The following RPE variants were observed in gnomAD, a reference collection of about 807,000 sequenced individuals.
The protein encoded by RPE is ribulose-phosphate 3-epimerase.
Under a neutral mutation model 24.6 loss-of-function variants are expected in RPE, and 16 were observed. The ratio of observed to expected loss-of-function variants is 0.65; its 90% CI spans 0.44 to 0.99. The LOEUF (loss-of-function observed/expected upper bound fraction) is 0.99, where lower values mean the gene tolerates loss of function less well. Ranked by LOEUF, RPE falls within the 50% of genes least tolerant of loss-of-function variation. The probability of loss-of-function intolerance (pLI) is 0.00; values close to 1 mark genes in which losing one functional copy is unlikely to be tolerated. For synonymous variants in RPE, 93 were observed against 98.4 expected (o/e 0.94, Z 0.33); for missense variants, 240 against 294.5 (o/e 0.81, Z 1.35).
chr2:210,005,223 T>C (rs2093614063), intron 1 of RPE, among the ~76,000 whole-genome samples: 1 of 152,092 alleles, frequency 6.6e-6, no homozygotes, highest in African/African-American at 2.4e-5. Context: ...ACAATGTCCC[T>C]TCCCTCCCAG....
intron 1 of RPE, 58 bp from the exon 2 acceptor site, chr2:210,009,599 G>C: frequency 1.2e-6 from 2 of 1,603,052 alleles, no homozygotes; most frequent in Non-Finnish European, 1.7e-6. Flanking sequence ...TTCATATTGA[G>C]AGAGATACAG....
chr2:210,013,312 CTTTT>C (rs376550426), intron 2 of RPE, among the ~76,000 whole-genome samples: 3 of 137,054 alleles, frequency 2.2e-5, no homozygotes. Flanking sequence ...TAGAGTTATC[CTTTT>C]TTTTTTTTTT....
chr2:210,005,981 A>G (rs1320653344), intron 1 of RPE, among the ~76,000 whole-genome samples: 1 of 152,230 alleles, frequency 6.6e-6, no homozygotes, highest in Non-Finnish European at 1.5e-5. Flanking sequence ...CTTAGGAGTG[A>G]TGATGGAACA....
At chr2:210,004,521 C>T (rs2093604738) in intron 1 of RPE, among the ~76,000 whole-genome samples, 1 of 152,274 alleles carries the variant, frequency 6.6e-6, no homozygotes, top group Non-Finnish European at 1.5e-5. Context: ...AAATGAAATG[C>T]TTTCTGTGGT....
At chr2:210,008,758 C>G (rs1050257033) in intron 1 of RPE, among the ~76,000 whole-genome samples, 1 of 152,018 alleles carries the variant, frequency 6.6e-6, no homozygotes, top group Non-Finnish European at 1.5e-5. Flanking sequence ...TACAGTGGCA[C>G]GATCTTGGCT....
At chr2:210,003,854 A>G (rs1043010858) in intron 1 of RPE, among the ~76,000 whole-genome samples, 3 of 152,144 alleles carry the variant, frequency 2.0e-5, no homozygotes, top group Non-Finnish European at 4.4e-5. Flanking sequence ...CCATTGCTCT[A>G]TGTGGTTAAA....
At chr2:210,009,536 T>TCA in intron 1 of RPE, 121 bp from the exon 2 acceptor site, 2 of 1,317,014 alleles carry the variant, frequency 1.5e-6, no homozygotes, top group Non-Finnish European at 2.2e-6. Context: ...ATACTGATGA[T>TCA]TAAGTATTAA....
At chr2:210,018,732 GA>G (rs1204214370) in intron 5 of RPE, 1 of 982,854 alleles carries the variant, frequency 1.0e-6, no homozygotes, top group Non-Finnish European at 1.2e-6. Context: ...TTTTTTGTGT[GA>G]AAAATCAGAC....
intron 4 of RPE, 45 bp from the exon 5 acceptor site, chr2:210,017,428 C>CAAAAACACAAA: frequency 1.1e-6 from 1 of 924,548 alleles, no homozygotes; most frequent in Non-Finnish European, 1.6e-6. Context: ...CCCCCACCAA[C>CAAAAACACAAA]ATACCCACTT....
In RPE at chr2:210,021,640, A is replaced by G. The variant is rs2093857764; in HGVS notation, c.*1849A>G. The G allele has an allele frequency of 6.6e-6, 1 of 152,524 alleles. No homozygotes were observed. The highest frequency in any genetic ancestry group is 2.4e-5 in the African/African-American group (1 of 41,444). The allele number at this position is 152,524 out of a possible 1,614,324, so 9.4% of individuals were successfully genotyped here. A position where few individuals can be genotyped will look rare whatever the true frequency, so the allele number is the denominator to read the frequency against. ...GGACTAGTATAATTTCCAATCTCTA[A>G]CAAAAACTTAGTGTCAAATCTCACA... On this transcript the variant is annotated 3_prime_UTR_variant, in exon 6 of 6. Transcript: ENST00000359429.
At chr2:210,006,960 C>T (rs2125057553) in intron 1 of RPE, among the ~76,000 whole-genome samples, 1 of 152,274 alleles carries the variant, frequency 6.6e-6, no homozygotes, top group East Asian at 1.9e-4. Context: ...TCTCTTGAAT[C>T]TCTTCTCCGC....
In RPE at chr2:210,003,341, A is replaced by C. The variant is rs150505397; in HGVS notation, c.122+558A>C. On this transcript the variant is annotated intron_variant, in intron 1 of 5. Coordinates refer to ENST00000359429, the MANE Select transcript of RPE (RefSeq NM_199229.3). ...CTTGGAAGATGAAATGAGCGAGTAC[A>C]TGAGAAGTTTACAGTGCCTGGCGTA... 265 of 576,940 alleles carry C rather than the reference A, an allele frequency of 4.6e-4. 7 individuals are homozygous for C. Among genetic ancestry groups the C allele is most frequent in the Middle Eastern group, 5.2e-4 (1 of 1,910 alleles). The allele number at this position is 576,940 out of a possible 1,614,324, so 35.7% of individuals were successfully genotyped here. A position where few individuals can be genotyped will look rare whatever the true frequency, so the allele number is the denominator to read the frequency against.
At chr2:210,018,485 T>C (rs1243139729) in intron 5 of RPE, 1 of 985,114 alleles carries the variant, frequency 1.0e-6, no homozygotes, top group African/African-American at 1.7e-5. Flanking sequence ...GATTAAAGCT[T>C]ACATGACTGC....
chr2:210,015,456 C>G (rs1019008481), intron 2 of RPE, among the ~76,000 whole-genome samples: 1 of 152,162 alleles, frequency 6.6e-6, no homozygotes, highest in Non-Finnish European at 1.5e-5. Flanking sequence ...ACCTAGTGTG[C>G]ATTTTACTTA....
intron 1 of RPE, among the ~76,000 whole-genome samples, chr2:210,003,914 A>G (rs1366203197): frequency 6.6e-6 from 1 of 152,222 alleles, no homozygotes; most frequent in Admixed American, 6.5e-5. Flanking sequence ...GAGTCCACCC[A>G]ACTGATAATG....
intron 2 of RPE, among the ~76,000 whole-genome samples, chr2:210,011,264 C>T (rs1385951425): frequency 2.0e-5 from 3 of 152,130 alleles, no homozygotes; most frequent in Admixed American, 6.6e-5. Flanking sequence ...ATAGCAGATA[C>T]CGTGACTTTT....
At chr2:210,006,499 C>A (rs192013699) in intron 1 of RPE, among the ~76,000 whole-genome samples, 36 of 152,210 alleles carry the variant, frequency 2.4e-4, no homozygotes, top group African/African-American at 8.7e-4. Flanking sequence ...AATTAAGTCA[C>A]GTAACTTTGG....
In RPE at chr2:210,002,679, G is replaced by T. The variant is rs1182729949; in HGVS notation, c.18G>T (p.Lys6Asn). The T allele has an allele frequency of 1.2e-5, 19 of 1,613,952 alleles. No homozygotes were observed. Among genetic ancestry groups the T allele is most frequent in the Non-Finnish European group, 1.5e-5 (18 of 1,179,842 alleles). The change falls in exon 1 of 6, where the codon AAG becomes AAT. Residue 6 changes from lysine to asparagine, a missense_variant. Transcript: ENST00000359429. ...CCAGCGGTATGGCGTCGGGCTGCAA[G>T]ATTGGCCCGTCCATCCTCAACAGCG... MASGC[K>N]IGPSILNSDL...
intron 1 of RPE, among the ~76,000 whole-genome samples, chr2:210,007,548 CTT>C (rs34497741): frequency 6.6e-6 from 1 of 152,152 alleles, no homozygotes; most frequent in East Asian, 1.9e-4. Flanking sequence ...AACCTCCCAT[CTT>C]TTTTTTACAC....
Sources: allele counts gnomAD v4.1 joint callset (sites outside exome capture counted in the v4.1 genomes callset), GRCh38; gene constraint gnomAD v4.1.1; transcripts MANE v1.5; gene names NCBI Gene and HGNC (gene_info 2026-07-23, HGNC 2026-07-21).